NBAS: variants seen among roughly 807,000 people sequenced by gnomAD.
The protein encoded by NBAS is NBAS subunit of NRZ tethering complex, also known as NAG/BC035112 fusion.
In NBAS, 219 loss-of-function variants were observed where a neutral mutation model predicts 302.5. The ratio of observed to expected loss-of-function variants is 0.72; its 90% CI spans 0.65 to 0.81. The LOEUF (loss-of-function observed/expected upper bound fraction) is 0.81, where lower values mean the gene tolerates loss of function less well. Among genes scored for constraint, NBAS ranks in the 30% least tolerant of loss-of-function variants. The pLI is 0.00. For synonymous variants in NBAS, 1,118 were observed against 1,021.6 expected (o/e 1.09, Z -1.80); for missense variants, 2,932 against 2,841.6 (o/e 1.03, Z -0.72).
intron 21 of NBAS, among the ~76,000 whole-genome samples, chr2:15,445,789 C>T (rs1363085821): frequency 2.7e-5 from 4 of 150,514 alleles, no homozygotes; most frequent in African/African-American, 9.8e-5. Flanking sequence ...TGGCTTATAA[C>T]CAGAACAAAA....
chr2:15,434,058 T>G (rs1358709541), intron 21 of NBAS, among the ~76,000 whole-genome samples: 3 of 152,008 alleles, frequency 2.0e-5, no homozygotes, highest in African/African-American at 7.3e-5. Flanking sequence ...GCCCAGGAGA[T>G]GAAGGCTGCA....
At chr2:15,283,812 A>G (rs971755592) in intron 42 of NBAS, among the ~76,000 whole-genome samples, 10 of 152,256 alleles carry the variant, frequency 6.6e-5, no homozygotes, top group Non-Finnish European at 1.2e-4. Context: ...GCTCCAGGCT[A>G]CATGGTTGGT....
rs1376686856 is a variant in NBAS at position 15,293,766 on chromosome 2, T to A, written c.4798-1000A>T. On this transcript the variant is annotated intron_variant, in intron 40 of 51. Coordinates refer to ENST00000281513, the MANE Select transcript of NBAS (RefSeq NM_015909.4). ...GATCTGCACAGGAGATTTGTCAATG[T>A]CGAGTCTAGATTACCAAACCCAGCC... Among the ~76,000 whole-genome samples the A allele has an allele frequency of 7.9e-5, 12 of 152,204 alleles. No homozygotes were observed. The East Asian group carries it at 2.1e-3, about 27-fold the overall frequency.
chr2:15,467,321 T>C lies in NBAS; in HGVS notation c.2097+8A>G. ...AACATAATTGGTTTGACAAAAATTA[T>C]TCATTACCTCATATGTTGCAAGTCG... On this transcript the variant is annotated splice_region_variant and intron_variant, in intron 19 of 51. Transcript: ENST00000281513. The C allele has an allele frequency of 6.3e-7, 1 of 1,598,780 alleles. No individual in the cohort carries two copies. Among genetic ancestry groups the C allele is most frequent in the Non-Finnish European group, 8.6e-7 (1 of 1,166,228 alleles).
chr2:14,871,692 A>C, the NBAS span, among the ~76,000 whole-genome samples: 1 of 152,150 alleles, frequency 6.6e-6, no homozygotes, highest in African/African-American at 2.4e-5. Flanking sequence ...ACTGTATATA[A>C]TATGTTGTAA....
chr2:14,779,763 T>C, the NBAS span, among the ~76,000 whole-genome samples: 1 of 152,250 alleles, frequency 6.6e-6, no homozygotes, highest in Non-Finnish European at 1.5e-5. Flanking sequence ...TTCTGGGCTG[T>C]GACCTGAGGA....
chr2:14,811,302 G>A, the NBAS span, among the ~76,000 whole-genome samples: 5 of 152,044 alleles, frequency 3.3e-5, no homozygotes, highest in East Asian at 1.9e-4. Flanking sequence ...CCAAGCTACC[G>A]GGGAGGTTGA....
At chr2:15,035,309 G>A in the NBAS span, among the ~76,000 whole-genome samples, 144 of 152,192 alleles carry the variant, frequency 9.5e-4, no homozygotes, top group African/African-American at 3.3e-3. Context: ...AATGGCGATT[G>A]TTAAAAAGTG....
the NBAS span, among the ~76,000 whole-genome samples, chr2:14,991,154 A>G: frequency 2.0e-5 from 3 of 152,122 alleles, no homozygotes; most frequent in African/African-American, 7.2e-5. Flanking sequence ...GGGGACATAG[A>G]AGACATGCAG....
intron 40 of NBAS, among the ~76,000 whole-genome samples, chr2:15,305,228 G>A (rs995467688): frequency 6.6e-6 from 1 of 152,008 alleles, no homozygotes; most frequent in African/African-American, 2.4e-5. Flanking sequence ...TCATGGGGGT[G>A]GTTTCCCCCA....
chr2:15,366,568 C>T lies in NBAS; in HGVS notation c.3817+12G>A. The T allele has an allele frequency of 1.2e-6, 2 of 1,607,150 alleles. No homozygotes were observed. Among genetic ancestry groups the T allele is most frequent in the Non-Finnish European group, 1.7e-6 (2 of 1,173,754 alleles). Reference sequence around the variant, plus strand: ...AAAGCTTATTCTGCAGTTTAGTACTCAAAAGACTTACCTGCAACCCTCAGC... The same window carrying T: ...AAAGCTTATTCTGCAGTTTAGTACTTAAAAGACTTACCTGCAACCCTCAGC... On this transcript the variant is annotated intron_variant, in intron 32 of 51. Coordinates refer to ENST00000281513, the MANE Select transcript of NBAS (RefSeq NM_015909.4).
At chr2:14,938,906 G>A in the NBAS span, among the ~76,000 whole-genome samples, 1 of 152,228 alleles carries the variant, frequency 6.6e-6, no homozygotes, top group Non-Finnish European at 1.5e-5. Context: ...GAAGCAGAGT[G>A]TATGCTTCAA....
At chr2:15,208,829 G>A (rs1021051970) in intron 48 of NBAS, among the ~76,000 whole-genome samples, 2 of 152,128 alleles carry the variant, frequency 1.3e-5, no homozygotes, top group Non-Finnish European at 2.9e-5. Context: ...ATAGCTATAA[G>A]TGGCTACATC....
At chr2:14,884,242 G>A in the NBAS span, among the ~76,000 whole-genome samples, 2 of 152,110 alleles carry the variant, frequency 1.3e-5, no homozygotes, top group South Asian at 2.1e-4. Flanking sequence ...AAACTATGTA[G>A]CAACATGAAG....
Position 15,543,232 on chromosome 2 carries a change from C to T in NBAS, c.380-3876G>A, listed in dbSNP as rs182547299. ...CTCAAATCTGCCCGGTTGCCAAGCT[C>T]TTTCCCATCTCACAGCTTTTGTGGA... On this transcript the variant is annotated intron_variant, in intron 6 of 51. Transcript: ENST00000281513. Among the ~76,000 whole-genome samples, 307 of 152,282 alleles carry T rather than the reference C, an allele frequency of 2.0e-3. 1 individual carries two copies. The highest frequency in any genetic ancestry group is 7.2e-3 in the African/African-American group (300 of 41,554).
chr2:15,352,137 A>C, intron 34 of NBAS, 56 bp from the exon 35 acceptor site: 5 of 1,208,134 alleles, frequency 4.1e-6, no homozygotes, highest in Non-Finnish European at 4.9e-6. Context: ...TTTGCTTCTC[A>C]TCACAATATA....
chr2:15,044,267 T>C, the NBAS span, among the ~76,000 whole-genome samples: 2 of 152,206 alleles, frequency 1.3e-5, no homozygotes, highest in African/African-American at 4.8e-5. Flanking sequence ...TGCAGGTAAG[T>C]AGCAGGGAAA....
chr2:15,077,126 T>A, the NBAS span, among the ~76,000 whole-genome samples: 1 of 152,176 alleles, frequency 6.6e-6, no homozygotes, highest in East Asian at 1.9e-4. Context: ...TCCATATGGC[T>A]GGGGAGGCCT....
intron 30 of NBAS, among the ~76,000 whole-genome samples, 182 bp from the exon 31 acceptor site, chr2:15,374,902 T>G (rs1378807294): frequency 6.6e-6 from 1 of 152,194 alleles, no homozygotes; most frequent in Non-Finnish European, 1.5e-5. Context: ...AACATCATCA[T>G]CTATCTGCCT....
Sources: gnomAD v4.1 joint callset for allele counts (sites outside exome capture counted in the v4.1 genomes callset) on GRCh38, gnomAD v4.1.1 for gene constraint, MANE v1.5 for transcripts, NCBI Gene and HGNC (gene_info 2026-07-23, HGNC 2026-07-21) for gene names.